The following SEZ6L variants were observed in gnomAD, a reference collection of about 807,000 sequenced individuals.
The protein encoded by SEZ6L is seizure related 6 homolog like, also known as seizure 6-like protein.
SEZ6L carries 37 observed loss-of-function variants against 106.2 expected under a neutral mutation model. The ratio of observed to expected loss-of-function variants is 0.35; its 90% CI spans 0.27 to 0.46. The LOEUF (loss-of-function observed/expected upper bound fraction) is 0.46, where lower values mean the gene tolerates loss of function less well. SEZ6L is among the 20% of genes least tolerant of loss of function. SEZ6L has a pLI of 1.00. For synonymous variants in SEZ6L, 541 were observed against 570.4 expected (o/e 0.95, Z 0.73); for missense variants, 1,172 against 1,332.8 (o/e 0.88, Z 1.88).
At chr22:26,351,422 A>G (rs2146023022) in intron 12 of SEZ6L, 179 bp downstream of exon 12, 1 of 528,128 alleles carries the variant, frequency 1.9e-6, no homozygotes, top group East Asian at 3.1e-5. Context: ...TATAACATTT[A>G]CAGTAAATTT....
intron 11 of SEZ6L, among the ~76,000 whole-genome samples, chr22:26,350,660 T>C (rs534137930): frequency 0.011 from 1,585 of 150,278 alleles, 10 homozygotes; most frequent in African/African-American, 0.019. Context: ...GGAAACTTTT[T>C]TTTTTTTTTT....
intron 1 of SEZ6L, among the ~76,000 whole-genome samples, chr22:26,203,707 A>G (rs1353862786): frequency 5.3e-5 from 8 of 152,222 alleles, no homozygotes; most frequent in Non-Finnish European, 7.3e-5. Flanking sequence ...AAAAAAACTG[A>G]CGTTCAGAGA....
chr22:26,173,040 T>C (rs918283234), intron 1 of SEZ6L, among the ~76,000 whole-genome samples: 12 of 152,162 alleles, frequency 7.9e-5, no homozygotes, highest in African/African-American at 2.9e-4. Flanking sequence ...CCAGCTCCAT[T>C]GTCTATTAAC....
intron 1 of SEZ6L, among the ~76,000 whole-genome samples, chr22:26,276,094 A>G (rs543269419): frequency 6.6e-6 from 1 of 152,352 alleles, no homozygotes; most frequent in East Asian, 1.9e-4. Context: ...ATTAAAACGA[A>G]GTTAACAATC....
At chr22:26,226,720 G>A (rs887904484) in intron 1 of SEZ6L, among the ~76,000 whole-genome samples, 1 of 152,154 alleles carries the variant, frequency 6.6e-6, no homozygotes, top group Non-Finnish European at 1.5e-5. Flanking sequence ...AGCCTTCCTT[G>A]CACCCAGGAA....
At chr22:26,299,630 T>G (rs1364960245) in intron 5 of SEZ6L, among the ~76,000 whole-genome samples, 1 of 152,246 alleles carries the variant, frequency 6.6e-6, no homozygotes, top group Non-Finnish European at 1.5e-5. Context: ...TCAAAGTTCG[T>G]GTATGTTGTA....
chr22:26,292,519 C>G lies in SEZ6L; in HGVS notation c.208C>G (p.Pro70Ala), dbSNP rs775129466. Residue 70 changes from proline (P) to alanine (A), a missense_variant, in exon 2 of 17, where the codon CCC becomes GCC. Pro to Ala is a conservative substitution (Grantham distance 27). This residue lies in a region of SEZ6L where 494 missense variants were observed against 445.8 expected (regional missense o/e 1.11). Coordinates refer to ENST00000248933, the MANE Select transcript of SEZ6L (RefSeq NM_021115.5). ...CCCTGAAGAGAGAGTGGTAACAGCG[C>G]CCCCCAGTTCCTCACAGTCGGCGGA... ...EHPEERVVTA[P>A]PSSSQSAEVL... 1 of 1,613,802 alleles carries G rather than the reference C, an allele frequency of 6.2e-7. No homozygotes were observed. Among genetic ancestry groups the G allele is most frequent in the Admixed American group, 1.7e-5 (1 of 60,006 alleles).
chr22:26,176,826 C>T (rs1044152768), intron 1 of SEZ6L, among the ~76,000 whole-genome samples: 1 of 152,184 alleles, frequency 6.6e-6, no homozygotes, highest in Non-Finnish European at 1.5e-5. Context: ...TCCTAATTCT[C>T]CTTTTCTGTG....
At chr22:26,294,158 G>A (rs1490132183) in intron 2 of SEZ6L, 134 bp from the exon 3 acceptor site, 4 of 747,332 alleles carry the variant, frequency 5.4e-6, no homozygotes, top group Non-Finnish European at 9.0e-6. Flanking sequence ...CTGGAGCTGA[G>A]GAATTAACAG....
At chr22:26,187,476 G>A (rs1053151103) in intron 1 of SEZ6L, among the ~76,000 whole-genome samples, 28 of 152,220 alleles carry the variant, frequency 1.8e-4, no homozygotes, top group African/African-American at 6.5e-4. Flanking sequence ...TGCAATGGGA[G>A]GGAGGCTGAT....
At chr22:26,303,481 A>G (rs2081515756) in intron 5 of SEZ6L, among the ~76,000 whole-genome samples, 2 of 152,246 alleles carry the variant, frequency 1.3e-5, no homozygotes, top group Non-Finnish European at 2.9e-5. Flanking sequence ...TTTCTGGATT[A>G]GCAGGTTATC....
chr22:26,281,432 T>G (rs1237373655), intron 1 of SEZ6L, among the ~76,000 whole-genome samples: 3 of 149,768 alleles, frequency 2.0e-5, no homozygotes, highest in Non-Finnish European at 4.4e-5. Context: ...TGGAGTGCAG[T>G]GGCGCCATCT....
intron 1 of SEZ6L, among the ~76,000 whole-genome samples, chr22:26,254,313 T>C (rs2079729115): frequency 6.6e-6 from 1 of 151,210 alleles, no homozygotes; most frequent in South Asian, 2.1e-4. Context: ...AAGATGCTCA[T>C]TAACTACAGC....
At chr22:26,295,332 G>T (rs1269471543) in intron 3 of SEZ6L, among the ~76,000 whole-genome samples, 1 of 152,210 alleles carries the variant, frequency 6.6e-6, no homozygotes, top group African/African-American at 2.4e-5. Flanking sequence ...ATTATCTTCA[G>T]TATGCTAATC....
chr22:26,238,881 T>C (rs1403551400), intron 1 of SEZ6L, among the ~76,000 whole-genome samples: 1 of 152,162 alleles, frequency 6.6e-6, no homozygotes. Context: ...TAGAACAACA[T>C]GTTGTAACTG....
chr22:26,212,099 T>C (rs981036333), intron 1 of SEZ6L, among the ~76,000 whole-genome samples: 2 of 152,072 alleles, frequency 1.3e-5, no homozygotes, highest in African/African-American at 4.8e-5. Context: ...CCAAAGAGGA[T>C]GGCAGATTTC....
intron 12 of SEZ6L, among the ~76,000 whole-genome samples, chr22:26,362,028 T>A (rs79579669): frequency 6.7e-5 from 10 of 150,348 alleles, no homozygotes; most frequent in African/African-American, 2.4e-4. Flanking sequence ...CACCCTGCAT[T>A]AAAAAAAAAT....
At chr22:26,306,569 ACGTATG>A (rs1288393582) in intron 6 of SEZ6L, among the ~76,000 whole-genome samples, 18 of 152,352 alleles carry the variant, frequency 1.2e-4, no homozygotes, top group Admixed American at 1.0e-3. Flanking sequence ...GAAAAACTAG[ACGTATG>A]CACATGAAAG....
intron 8 of SEZ6L, among the ~76,000 whole-genome samples, chr22:26,313,398 A>G (rs1371445528): frequency 6.6e-6 from 1 of 152,074 alleles, no homozygotes; most frequent in African/African-American, 2.4e-5. Context: ...ACCTAACTTG[A>G]GTGGGCGGTC....
Sources: allele counts gnomAD v4.1 joint callset (sites outside exome capture counted in the v4.1 genomes callset), GRCh38; gene constraint gnomAD v4.1.1; regional missense constraint gnomAD v4.1.1; transcripts MANE v1.5; gene names NCBI Gene and HGNC (gene_info 2026-07-23, HGNC 2026-07-21).